GALK2: variants seen among roughly 807,000 people sequenced by gnomAD.
GALK2 encodes N-acetylgalactosamine kinase.
Under a neutral mutation model 52.4 loss-of-function variants are expected in GALK2, and 36 were observed. The ratio of observed to expected loss-of-function variants is 0.69; its 90% CI spans 0.53 to 0.91. GALK2 has a LOEUF of 0.91. Ranked by LOEUF, GALK2 falls within the 40% of genes least tolerant of loss-of-function variation. The probability of loss-of-function intolerance (pLI) is 0.00; values close to 1 mark genes in which losing one functional copy is unlikely to be tolerated. For missense variants in GALK2, 579 were observed against 559.1 expected (o/e 1.04, Z -0.36); for synonymous variants, 176 against 199.1 (o/e 0.88, Z 0.98).
chr15:49,266,105 T>C (rs2092351016), intron 5 of GALK2, among the ~76,000 whole-genome samples: 1 of 152,188 alleles, frequency 6.6e-6, no homozygotes, highest in Non-Finnish European at 1.5e-5. Context: ...TGCTTCTGGA[T>C]TGGCTGGCTG....
chr15:49,262,688 T>C (rs1408206166), intron 5 of GALK2, among the ~76,000 whole-genome samples: 23 of 149,284 alleles, frequency 1.5e-4, no homozygotes, highest in South Asian at 6.6e-4. Flanking sequence ...TCTTTCCTGC[T>C]TTCTCTTGTG....
intron 7 of GALK2, among the ~76,000 whole-genome samples, chr15:49,284,666 T>G (rs1044564129): frequency 6.6e-6 from 1 of 152,210 alleles, no homozygotes; most frequent in Non-Finnish European, 1.5e-5. Context: ...TTCTCAGTAG[T>G]AATAATTTCA....
chr15:49,182,758 T>C (rs555286683), intron 1 of GALK2, among the ~76,000 whole-genome samples: 1 of 152,392 alleles, frequency 6.6e-6, no homozygotes, highest in African/African-American at 2.4e-5. Context: ...TAATCACTTT[T>C]TCATATACCT....
At chr15:49,204,295 TA>T (rs1272531136) in intron 2 of GALK2, among the ~76,000 whole-genome samples, 1 of 151,366 alleles carries the variant, frequency 6.6e-6, no homozygotes, top group Non-Finnish European at 1.5e-5. Context: ...CTTCTTCTTT[TA>T]TTTTTTTTTT....
intron 3 of GALK2, among the ~76,000 whole-genome samples, chr15:49,226,428 C>G (rs74351148): frequency 2.2e-3 from 334 of 152,258 alleles, no homozygotes; most frequent in African/African-American, 7.5e-3. Context: ...TTGGTGTTTT[C>G]TGTCTAAGAT....
At position 49,329,468 on chromosome 15, in the gene GALK2, A is replaced by G; in HGVS notation, c.*1309A>G. ...GATTTCATTAGCTCATTAATGTTTAACTCACAGATTGGGCATCACCATCTA... is the reference window on the plus strand; with the variant it reads ...GATTTCATTAGCTCATTAATGTTTAGCTCACAGATTGGGCATCACCATCTA... On this transcript the variant is annotated 3_prime_UTR_variant, in exon 10 of 10. Transcript: ENST00000560031. The G allele has an allele frequency of 1.0e-6, 1 of 985,190 alleles. No homozygotes were observed. The highest frequency in any genetic ancestry group is 1.2e-6 in the Non-Finnish European group (1 of 829,726). The allele number at this position is 985,190 out of a possible 1,614,324, so 61.0% of individuals were successfully genotyped here.
chr15:49,337,080 A>G (rs2039842246), intron 3 of GALK2, among the ~76,000 whole-genome samples: 1 of 152,162 alleles, frequency 6.6e-6, no homozygotes, highest in South Asian at 2.1e-4. Flanking sequence ...CATTTTCTTT[A>G]TCCAGTCTGC....
At chr15:49,305,351 G>A (rs1398174033) in intron 8 of GALK2, among the ~76,000 whole-genome samples, 1 of 152,126 alleles carries the variant, frequency 6.6e-6, no homozygotes, top group Non-Finnish European at 1.5e-5. Flanking sequence ...AATATGACAG[G>A]CCACCACTCT....
chr15:49,252,968 T>C (rs1339443247), intron 5 of GALK2, among the ~76,000 whole-genome samples: 1 of 144,642 alleles, frequency 6.9e-6, no homozygotes, highest in East Asian at 1.9e-4. Flanking sequence ...TTGATTTGGC[T>C]GTATATCAAC....
chr15:49,209,539 T>C (rs546438334), intron 2 of GALK2, among the ~76,000 whole-genome samples: 28 of 152,364 alleles, frequency 1.8e-4, no homozygotes, highest in African/African-American at 6.5e-4. Context: ...GTTTTTATCA[T>C]GAAAGAATGT....
chr15:49,265,928 C>G (rs928592805), intron 5 of GALK2, among the ~76,000 whole-genome samples: 9 of 152,124 alleles, frequency 5.9e-5, no homozygotes, highest in African/African-American at 1.9e-4. Flanking sequence ...TCCTAAAATG[C>G]GAAGGAGGGT....
At chr15:49,290,234 T>C (rs2033802056) in intron 7 of GALK2, among the ~76,000 whole-genome samples, 1 of 152,194 alleles carries the variant, frequency 6.6e-6, no homozygotes. Flanking sequence ...AAGCCAAATT[T>C]CAAAGGGCTT....
At chr15:49,177,668 G>T in intron 1 of GALK2, 1 of 347,470 alleles carries the variant, frequency 2.9e-6, no homozygotes, top group Non-Finnish European at 5.2e-6. Context: ...ATCACCAGGA[G>T]TGTGGTGGAA....
chr15:49,345,814 G>A (rs1307288083), intron 3 of GALK2, among the ~76,000 whole-genome samples: 1 of 152,066 alleles, frequency 6.6e-6, no homozygotes, highest in East Asian at 1.9e-4. Context: ...GAGAAACAAA[G>A]GGTTTTGGAA....
chr15:49,166,147 C>G (rs145014316), upstream of GALK2, among the ~76,000 whole-genome samples: 56 of 152,164 alleles, frequency 3.7e-4, no homozygotes, highest in East Asian at 0.01. Flanking sequence ...GTTCTGAGGA[C>G]CACACTTTGA....
chr15:49,210,596 T>C (rs1172345194), intron 2 of GALK2, among the ~76,000 whole-genome samples: 3 of 151,972 alleles, frequency 2.0e-5, no homozygotes, highest in Non-Finnish European at 2.9e-5. Flanking sequence ...CCCACCACCA[T>C]GCTTGGCTAA....
At chr15:49,339,496 G>A (rs1007385546) in intron 3 of GALK2, among the ~76,000 whole-genome samples, 2 of 152,198 alleles carry the variant, frequency 1.3e-5, no homozygotes, top group African/African-American at 4.8e-5. Flanking sequence ...TCCTCTGGAA[G>A]CTTCGTCCCA....
intron 1 of GALK2, among the ~76,000 whole-genome samples, chr15:49,192,568 G>T (rs570047248): frequency 1.0e-4 from 14 of 140,358 alleles, no homozygotes; most frequent in East Asian, 6.3e-4. Flanking sequence ...ATAGTGGATT[G>T]CTAGGTAAAA....
At chr15:49,278,121 C>T (rs374683427) in intron 5 of GALK2, among the ~76,000 whole-genome samples, 3 of 152,000 alleles carry the variant, frequency 2.0e-5, no homozygotes, top group East Asian at 2.0e-4. Context: ...ATTAGCCTGG[C>T]GTGGTGGCGG....
Sources: gnomAD v4.1 joint callset for allele counts (sites outside exome capture counted in the v4.1 genomes callset) on GRCh38, gnomAD v4.1.1 for gene constraint, MANE v1.5 for transcripts, NCBI Gene and HGNC (gene_info 2026-07-23, HGNC 2026-07-21) for gene names.